The following LGSN variants were observed in gnomAD, a reference collection of about 807,000 sequenced individuals.
LGSN encodes lengsin, lens protein with glutamine synthetase domain.
In LGSN, 21 loss-of-function variants were observed where a neutral mutation model predicts 19.5. The ratio of observed to expected loss-of-function variants is 1.07; its 90% confidence interval spans 0.76 to 1.55. The LOEUF is 1.55. Ranked by LOEUF, LGSN falls within the 40% of genes most tolerant of loss-of-function variation. The pLI, the probability that LGSN is intolerant of heterozygous loss-of-function variation, is 0.00. For missense variants in LGSN, 673 were observed against 608.5 expected (o/e 1.11, Z -1.12); for synonymous variants, 257 against 215.6 (o/e 1.19, Z -1.68).
the LGSN span, among the ~76,000 whole-genome samples, chr6:63,530,660 C>T: frequency 6.6e-6 from 1 of 152,090 alleles, no homozygotes; most frequent in East Asian, 1.9e-4. Flanking sequence ...TTGTATTAAA[C>T]TATCATAAAG....
chr6:63,399,403 T>C, the LGSN span, among the ~76,000 whole-genome samples: 6 of 151,836 alleles, frequency 4.0e-5, no homozygotes, highest in African/African-American at 1.2e-4. Flanking sequence ...AATTTTTTTT[T>C]TTTTTTTTGA....
the LGSN span, among the ~76,000 whole-genome samples, chr6:63,493,617 T>C: frequency 6.6e-6 from 1 of 151,292 alleles, no homozygotes; most frequent in Non-Finnish European, 1.5e-5. Context: ...AGGCAAAACC[T>C]GCATGGAGAG....
At chr6:63,342,329 A>T in the LGSN span, among the ~76,000 whole-genome samples, 12 of 152,234 alleles carry the variant, frequency 7.9e-5, no homozygotes, top group Non-Finnish European at 1.6e-4. Context: ...GAATTAGTTC[A>T]GTTCAAACGA....
chr6:63,317,089 C>G (rs886523531), intron 1 of LGSN, among the ~76,000 whole-genome samples: 2 of 151,894 alleles, frequency 1.3e-5, no homozygotes, highest in African/African-American at 4.8e-5. Flanking sequence ...CTATCATAAG[C>G]AAACAAATTC....
the LGSN span, among the ~76,000 whole-genome samples, chr6:63,468,760 T>G: frequency 6.6e-6 from 1 of 151,382 alleles, no homozygotes; most frequent in Non-Finnish European, 1.5e-5. Flanking sequence ...TTTTTGGGGG[T>G]TTTTTTGAGA....
the LGSN span, among the ~76,000 whole-genome samples, chr6:63,365,194 A>T: frequency 5.9e-5 from 9 of 152,314 alleles, no homozygotes; most frequent in African/African-American, 2.2e-4. Context: ...CACTAGCAAG[A>T]CTAATAAAGA....
At chr6:63,400,257 G>A in the LGSN span, among the ~76,000 whole-genome samples, 30 of 152,272 alleles carry the variant, frequency 2.0e-4, no homozygotes, top group Middle Eastern at 3.4e-3. Flanking sequence ...AACTTGCTTG[G>A]CAGGGGCAGG....
At chr6:63,552,535 T>C in the LGSN span, among the ~76,000 whole-genome samples, 1 of 152,204 alleles carries the variant, frequency 6.6e-6, no homozygotes, top group African/African-American at 2.4e-5. Flanking sequence ...GCTCTTTAGT[T>C]TAATTAGATC....
chr6:63,538,479 C>T, the LGSN span, among the ~76,000 whole-genome samples: 737 of 152,150 alleles, frequency 4.8e-3, 3 homozygotes, highest in African/African-American at 0.017. Flanking sequence ...AATTTGAATT[C>T]GAGACACTAA....
chr6:63,412,766 AG>A, the LGSN span, among the ~76,000 whole-genome samples: 35 of 21,606 alleles, frequency 1.6e-3, no homozygotes, highest in Non-Finnish European at 3.2e-3. Context: ...AAAGAAAGAA[AG>A]AAAGGAAGGA....
the LGSN span, among the ~76,000 whole-genome samples, chr6:63,561,841 A>G: frequency 6.6e-6 from 1 of 152,188 alleles, no homozygotes; most frequent in African/African-American, 2.4e-5. Flanking sequence ...ATCAGAACGA[A>G]AGTGATTATA....
chr6:63,510,009 G>A, the LGSN span, among the ~76,000 whole-genome samples: 14 of 152,324 alleles, frequency 9.2e-5, no homozygotes, highest in African/African-American at 3.1e-4. Flanking sequence ...CAAATGAAGT[G>A]TAAATTTATA....
the LGSN span, among the ~76,000 whole-genome samples, chr6:63,412,718 GGAAAGAAAGAAAGAAA>G: frequency 1.3e-4 from 7 of 54,802 alleles, no homozygotes; most frequent in South Asian, 7.0e-4. Context: ...AGGGAAGGAA[GGAAAGAAAGAAAGAAA>G]GAAAGAAAGA....
the LGSN span, among the ~76,000 whole-genome samples, chr6:63,384,089 T>C: frequency 2.6e-5 from 4 of 152,120 alleles, no homozygotes; most frequent in African/African-American, 9.7e-5. Flanking sequence ...CCAACCCAAA[T>C]CACCCATAAA....
the LGSN span, among the ~76,000 whole-genome samples, chr6:63,403,218 T>G: frequency 6.6e-6 from 1 of 152,102 alleles, no homozygotes; most frequent in African/African-American, 2.4e-5. Flanking sequence ...TGATCCTAGG[T>G]TATTATTTTA....
At chr6:63,326,833 T>C in the LGSN span, among the ~76,000 whole-genome samples, 3 of 151,968 alleles carry the variant, frequency 2.0e-5, no homozygotes, top group East Asian at 5.8e-4. Context: ...CTCACGCCTC[T>C]CCCTCCACAC....
chr6:63,293,016 G>T (rs541678921), intron 2 of LGSN, among the ~76,000 whole-genome samples: 3 of 152,126 alleles, frequency 2.0e-5, no homozygotes, highest in South Asian at 2.1e-4. Context: ...TTTTCAGAGT[G>T]GGGTAGGGGG....
At chr6:63,405,033 C>G in the LGSN span, among the ~76,000 whole-genome samples, 1 of 146,404 alleles carries the variant, frequency 6.8e-6, no homozygotes, top group East Asian at 2.1e-4. Flanking sequence ...TCAATTCCCA[C>G]CTATGAGTGA....
chr6:63,280,049 C>T lies in LGSN; in HGVS notation c.1502G>A (p.Arg501Lys). 3.1e-6 allele frequency: 5 copies of T among 1,607,822 alleles called. No homozygotes were observed. Among genetic ancestry groups the T allele is most frequent in the Non-Finnish European group, 4.2e-6 (5 of 1,177,144 alleles). The stretch of plus-strand genomic sequence containing the variant: ...AATAAAATACTCTAAGAATTTATTT[C>T]TCTCTGCAGCTATTTCTTCATTCTC... ...ELENEEIAAE[R>K]NKFLEYFI Residue 501 changes from arginine to lysine, a missense_variant, in exon 4 of 4, where the codon AGA becomes AAA. Physicochemically the swap from Arg to Lys is conservative, Grantham distance 26. Coordinates refer to ENST00000370657, the MANE Select transcript of LGSN (RefSeq NM_016571.3).
Sources: gnomAD v4.1 joint callset for allele counts (sites outside exome capture counted in the v4.1 genomes callset) on GRCh38, gnomAD v4.1.1 for gene constraint, MANE v1.5 for transcripts, NCBI Gene and HGNC (gene_info 2026-07-23, HGNC 2026-07-21) for gene names.